DNAAF11: variants seen among roughly 807,000 people sequenced by gnomAD.
DNAAF11 encodes leucine rich repeat containing 6.
Under a neutral mutation model 60.8 loss-of-function variants are expected in DNAAF11, and 45 were observed. The ratio of observed to expected loss-of-function variants is 0.74; its 90% confidence interval spans 0.58 to 0.95. The LOEUF (loss-of-function observed/expected upper bound fraction) is 0.95. DNAAF11 is among the 40% of genes least tolerant of loss of function. DNAAF11 has a pLI of 0.00. For synonymous variants in DNAAF11, 191 were observed against 183.5 expected (o/e 1.04, Z -0.33); for missense variants, 546 against 546.2 (o/e 1.00, Z 0.00).
At chr8:132,642,182 G>T (rs529719534) in intron 3 of DNAAF11, among the ~76,000 whole-genome samples, 2 of 152,092 alleles carry the variant, frequency 1.3e-5, no homozygotes. Context: ...TATGCTCCAG[G>T]TATATAATAT....
At position 132,611,329 on chromosome 8, in the gene DNAAF11, G is replaced by A. The variant is rs1314968624; in HGVS notation, c.1009C>T (p.Gln337Ter). 2 of 1,611,702 alleles carry A rather than the reference G, an allele frequency of 1.2e-6. No individual in the cohort carries two copies. The highest frequency in any genetic ancestry group is 1.7e-6 in the Non-Finnish European group (2 of 1,178,148). ...ATCATTACTCGCACGTAAGTTGGTTGCACATCAACATCGATTAAAGAGGTA... is the reference window on the plus strand; with the variant it reads ...ATCATTACTCGCACGTAAGTTGGTTACACATCAACATCGATTAAAGAGGTA... Reference protein sequence around the residue: ...MDTSLIDVDVQPTYVRVMIKG... With the variant: ...MDTSLIDVDV The change falls in exon 9 of 12, where the codon CAA becomes TAA. Residue 337 changes from glutamine to a stop codon, truncating the protein, a stop_gained. Coordinates refer to ENST00000620350, the MANE Select transcript of DNAAF11 (RefSeq NM_012472.6). LOFTEE classifies it high-confidence loss of function.
chr8:132,615,504 T>G (rs1819051802), intron 7 of DNAAF11, among the ~76,000 whole-genome samples: 1 of 152,166 alleles, frequency 6.6e-6, no homozygotes, highest in Non-Finnish European at 1.5e-5. Flanking sequence ...TTCCTTAAGT[T>G]TTAGAGTCCT....
intron 1 of DNAAF11, among the ~76,000 whole-genome samples, chr8:132,669,614 T>C (rs954658318): frequency 1.3e-5 from 2 of 152,114 alleles, no homozygotes; most frequent in Non-Finnish European, 2.9e-5. Flanking sequence ...AGGTTTTCAT[T>C]TCCTGAAACC....
chr8:132,623,816 G>C (rs1016569850), intron 6 of DNAAF11, among the ~76,000 whole-genome samples: 1 of 152,060 alleles, frequency 6.6e-6, no homozygotes, highest in African/African-American at 2.4e-5. Context: ...ACAATTAAGG[G>C]GCATCCACAA....
upstream of DNAAF11, among the ~76,000 whole-genome samples, chr8:132,676,154 G>T (rs56406018): frequency 6.6e-6 from 1 of 152,010 alleles, no homozygotes; most frequent in Non-Finnish European, 1.5e-5. Context: ...TTCCAGAAAC[G>T]CCACCCATTA....
chr8:132,644,091 A>T (rs1476129419), intron 3 of DNAAF11, among the ~76,000 whole-genome samples: 5 of 152,218 alleles, frequency 3.3e-5, no homozygotes, highest in Admixed American at 2.6e-4. Flanking sequence ...AAACATGGAT[A>T]ATATTAAATA....
At chr8:132,575,768 G>A (rs938209436) in intron 11 of DNAAF11, among the ~76,000 whole-genome samples, 1 of 152,144 alleles carries the variant, frequency 6.6e-6, no homozygotes, top group South Asian at 2.1e-4. Flanking sequence ...CATTTGTTCT[G>A]CTTACTCTTA....
Position 132,625,313 on chromosome 8 carries a change from AAG to A in DNAAF11, c.793_794del (p.Leu265Ter). The A allele has an allele frequency of 6.2e-7, 1 of 1,613,010 alleles. No homozygotes were observed. Among genetic ancestry groups the A allele is most frequent in the Non-Finnish European group, 8.5e-7 (1 of 1,179,476 alleles). On this transcript the variant is annotated frameshift_variant, in exon 6 of 12. Transcript: ENST00000620350. LOFTEE classifies it high-confidence loss of function. ...LFTPESRLET[L>X]RHMEKQRKKQ... The stretch of plus-strand genomic sequence containing the variant: ...TCTTCCGTTGTTTTTCCATGTGTCT[AAG>A]AGTTTCCAATCTTGATTCAGGAGTA...
upstream of DNAAF11, among the ~76,000 whole-genome samples, chr8:132,679,694 T>G (rs7012229): frequency 0.17 from 26,164 of 152,088 alleles, 6,382 homozygotes; most frequent in African/African-American, 0.55. Context: ...TCTTTCCCTT[T>G]CTGTTCTCGT....
At chr8:132,642,671 G>T (rs757886820) in intron 3 of DNAAF11, among the ~76,000 whole-genome samples, 1 of 152,172 alleles carries the variant, frequency 6.6e-6, no homozygotes, top group African/African-American at 2.4e-5. Context: ...AAAGAAACAC[G>T]CCCAGAAGCA....
At chr8:132,698,227 A>T in the DNAAF11 span, among the ~76,000 whole-genome samples, 3 of 152,166 alleles carry the variant, frequency 2.0e-5, no homozygotes, top group East Asian at 5.8e-4. Flanking sequence ...CCTATCCCAC[A>T]CTTCGTAATA....
chr8:132,643,526 C>A (rs543498230), intron 3 of DNAAF11: 56 of 403,572 alleles, frequency 1.4e-4, no homozygotes, highest in South Asian at 1.0e-3. Context: ...TTCAAAAGAC[C>A]AGTCCCCGTA....
intron 10 of DNAAF11, among the ~76,000 whole-genome samples, chr8:132,602,013 G>A (rs1410303295): frequency 6.6e-5 from 10 of 151,598 alleles, no homozygotes; most frequent in African/African-American, 9.7e-5. Flanking sequence ...TCTATTCTAT[G>A]TGTTCTTACT....
At chr8:132,636,938 G>GA (rs1235062107) in intron 4 of DNAAF11, among the ~76,000 whole-genome samples, 5 of 152,170 alleles carry the variant, frequency 3.3e-5, no homozygotes, top group Non-Finnish European at 7.3e-5. Flanking sequence ...TTTGAGAACT[G>GA]AAAAAATGCC....
intron 6 of DNAAF11, among the ~76,000 whole-genome samples, chr8:132,624,435 C>A (rs1307330188): frequency 6.6e-6 from 1 of 152,172 alleles, no homozygotes; most frequent in Non-Finnish European, 1.5e-5. Context: ...AAATCACCCA[C>A]GTTTTACAAA....
At chr8:132,576,375 C>T (rs1814750815) in intron 11 of DNAAF11, among the ~76,000 whole-genome samples, 1 of 152,126 alleles carries the variant, frequency 6.6e-6, no homozygotes, top group Admixed American at 6.5e-5. Flanking sequence ...AGCTGTCTTC[C>T]TATCCTCAAT....
intron 5 of DNAAF11, among the ~76,000 whole-genome samples, chr8:132,630,952 C>T (rs1820738567): frequency 6.6e-6 from 1 of 152,106 alleles, no homozygotes; most frequent in Admixed American, 6.5e-5. Context: ...ATCACAACTA[C>T]TCTAGAAAAC....
Position 132,573,871 on chromosome 8 carries a change from A to G in DNAAF11, c.1227-1391T>C, listed in dbSNP as rs566194828. Among the ~76,000 whole-genome samples the G allele has an allele frequency of 2.0e-5, 3 of 152,348 alleles. No homozygotes were observed. The South Asian group carries it at 6.2e-4, about 32-fold the overall frequency. ...TGAATAAAAAATACAAAATATACAA[A>G]GAATATAAAATAGTATATTCAGAAG... On this transcript the variant is annotated intron_variant, in intron 11 of 11. Transcript: ENST00000620350.
chr8:132,688,498 T>C, the DNAAF11 span, among the ~76,000 whole-genome samples: 1 of 152,188 alleles, frequency 6.6e-6, no homozygotes, highest in South Asian at 2.1e-4. Context: ...CTTTCTTTAA[T>C]GACAGTATTT....
Sources: allele counts gnomAD v4.1 joint callset (sites outside exome capture counted in the v4.1 genomes callset), GRCh38; gene constraint gnomAD v4.1.1; transcripts MANE v1.5; gene names NCBI Gene and HGNC (gene_info 2026-07-23, HGNC 2026-07-21).